Variants in CTNNA2 observed in about 807,000 individuals in gnomAD.
CTNNA2 encodes catenin alpha 2.
CTNNA2 carries 42 observed loss-of-function variants against 101.0 expected under a neutral mutation model. The ratio of observed to expected loss-of-function variants is 0.42; its 90% CI spans 0.32 to 0.54. The LOEUF (loss-of-function observed/expected upper bound fraction) is 0.54. Ranked by LOEUF, CTNNA2 falls within the 20% of genes least tolerant of loss-of-function variation. CTNNA2 has a pLI of 0.14. For missense variants in CTNNA2, 871 were observed against 1,223.1 expected, an observed-to-expected ratio of 0.71 and a Z score of 4.29; for synonymous variants, 450 against 456.4, an observed-to-expected ratio of 0.99 and a Z score of 0.18.
At chr2:79,320,284 T>C (rs906016407) in intron 3 of CTNNA2, among the ~76,000 whole-genome samples, 2 of 146,120 alleles carry the variant, frequency 1.4e-5, no homozygotes, top group African/African-American at 2.6e-5. Flanking sequence ...TTTTTTTTTT[T>C]ACCAAGATCT....
At chr2:80,327,028 C>G (rs1670877241) in intron 7 of CTNNA2, among the ~76,000 whole-genome samples, 1 of 152,150 alleles carries the variant, frequency 6.6e-6, no homozygotes, top group South Asian at 2.1e-4. Flanking sequence ...TTTCTCTCCT[C>G]CCAGTCTTTG....
intron 7 of CTNNA2, among the ~76,000 whole-genome samples, chr2:80,263,196 G>A (rs1294981445): frequency 2.0e-5 from 3 of 152,104 alleles, no homozygotes; most frequent in Non-Finnish European, 4.4e-5. Flanking sequence ...TTCACTTGAT[G>A]GATTGGCGGC....
At chr2:80,143,385 C>T (rs1397057827) in intron 7 of CTNNA2, among the ~76,000 whole-genome samples, 3 of 152,110 alleles carry the variant, frequency 2.0e-5, no homozygotes, top group African/African-American at 7.2e-5. Flanking sequence ...ATGATCAAAT[C>T]GAGCTAGTCA....
At chr2:80,389,053 G>A (rs553760387) in intron 7 of CTNNA2, among the ~76,000 whole-genome samples, 11 of 152,202 alleles carry the variant, frequency 7.2e-5, no homozygotes, top group African/African-American at 2.4e-4. Flanking sequence ...TTTTCTTTAG[G>A]GATACCAGTT....
intron 13 of CTNNA2, among the ~76,000 whole-genome samples, chr2:80,580,699 A>G (rs1001567503): frequency 6.6e-6 from 1 of 152,164 alleles, no homozygotes; most frequent in Non-Finnish European, 1.5e-5. Context: ...ACTTTGTTGA[A>G]TGAATTGATT....
intron 3 of CTNNA2, among the ~76,000 whole-genome samples, chr2:79,808,317 T>G (rs1676737535): frequency 6.6e-6 from 1 of 152,106 alleles, no homozygotes; most frequent in Non-Finnish European, 1.5e-5. Flanking sequence ...TACACTGTGT[T>G]GCTGTTCAGA....
chr2:79,193,453 C>T (rs892695060), intron 1 of CTNNA2, among the ~76,000 whole-genome samples: 6 of 152,140 alleles, frequency 3.9e-5, no homozygotes, highest in African/African-American at 1.4e-4. Context: ...GGTACGTACC[C>T]TAGGAACAGT....
chr2:80,098,567 C>T (rs1287524623), intron 7 of CTNNA2, among the ~76,000 whole-genome samples: 2 of 152,234 alleles, frequency 1.3e-5, no homozygotes, highest in Non-Finnish European at 2.9e-5. Context: ...GCAGAGGTTA[C>T]TGCTGCCTTT....
chr2:79,301,364 G>A (rs1227074574), intron 2 of CTNNA2, among the ~76,000 whole-genome samples: 1 of 152,172 alleles, frequency 6.6e-6, no homozygotes, highest in African/African-American at 2.4e-5. Context: ...AAGAGCAGAT[G>A]TCCAAGGCCA....
chr2:79,529,459 A>G (rs1418411435), intron 1 of CTNNA2, among the ~76,000 whole-genome samples: 2 of 152,144 alleles, frequency 1.3e-5, no homozygotes, highest in African/African-American at 4.8e-5. Flanking sequence ...TGGACTTCTG[A>G]GCTGTTGGTA....
intron 3 of CTNNA2, among the ~76,000 whole-genome samples, chr2:79,841,923 A>G (rs572952629): frequency 2.0e-5 from 3 of 152,338 alleles, no homozygotes; most frequent in African/African-American, 7.2e-5. Context: ...TTAGTTGAAC[A>G]TTTATAAATC....
At chr2:79,428,491 C>G (rs139661205) in intron 4 of CTNNA2, among the ~76,000 whole-genome samples, 2 of 152,138 alleles carry the variant, frequency 1.3e-5, no homozygotes, top group East Asian at 1.9e-4. Flanking sequence ...AATTACAGAT[C>G]AAGTTCAGAT....
At chr2:79,657,123 A>G (rs1681669117) in intron 2 of CTNNA2, among the ~76,000 whole-genome samples, 1 of 151,910 alleles carries the variant, frequency 6.6e-6, no homozygotes. Flanking sequence ...CTAGAATAGA[A>G]TGCAAATGTA....
intron 1 of CTNNA2, among the ~76,000 whole-genome samples, chr2:79,610,259 G>T (rs1187392497): frequency 1.3e-5 from 2 of 152,086 alleles, no homozygotes; most frequent in Non-Finnish European, 2.9e-5. Flanking sequence ...CGATTCAACT[G>T]CAAGTTTTTG....
intron 2 of CTNNA2, among the ~76,000 whole-genome samples, chr2:79,219,487 A>ATATGTGGC (rs1674314072): frequency 6.6e-6 from 1 of 152,346 alleles, no homozygotes; most frequent in African/African-American, 2.4e-5. Context: ...TTAAATTTAA[A>ATATGTGGC]TAGCCATATG....
chr2:79,627,669 A>G (rs1429593372), intron 1 of CTNNA2, among the ~76,000 whole-genome samples: 1 of 152,226 alleles, frequency 6.6e-6, no homozygotes, highest in African/African-American at 2.4e-5. Context: ...ATTCTACTAT[A>G]GTGTACTTTT....
intron 7 of CTNNA2, among the ~76,000 whole-genome samples, chr2:80,329,088 A>C (rs776563860): frequency 4.0e-4 from 61 of 152,194 alleles, no homozygotes; most frequent in Non-Finnish European, 6.8e-4. Flanking sequence ...TTTTTGTATA[A>C]TATTTACTAA....
chr2:79,314,439 C>T (rs1573067713), intron 3 of CTNNA2, among the ~76,000 whole-genome samples: 1 of 152,094 alleles, frequency 6.6e-6, no homozygotes, highest in East Asian at 1.9e-4. Flanking sequence ...TATGCGTGGG[C>T]CTAATTGTGC....
rs556751172 is a variant in CTNNA2 at position 79,282,363 on chromosome 2, C to T, written c.-405-30346C>T. Among the ~76,000 whole-genome samples the T allele has an allele frequency of 2.8e-4, 42 of 152,156 alleles. 1 individual carries two copies. The highest frequency in any genetic ancestry group is 2.2e-4 in the Non-Finnish European group (15 of 68,008). ...TGCTGGTGCGCTGCACCCACTAACT[C>T]ATCATCTAGCATTAGGTATATCTCC... On this transcript the variant is annotated intron_variant, in intron 2 of 21. Coordinates refer to the CTNNA2 transcript ENST00000466387.
Sources: gnomAD v4.1 joint callset for allele counts (sites outside exome capture counted in the v4.1 genomes callset) on GRCh38, gnomAD v4.1.1 for gene constraint, MANE v1.5 for transcripts, NCBI Gene and HGNC (gene_info 2026-07-23, HGNC 2026-07-21) for gene names.